Variants in TM7SF3 observed in about 807,000 individuals in gnomAD.
TM7SF3 encodes the protein seven span transmembrane protein.
In TM7SF3, 60 loss-of-function variants were observed where a neutral mutation model predicts 65.5. The observed-to-expected ratio is 0.92, with a 90% CI of 0.74 to 1.14. The LOEUF (loss-of-function observed/expected upper bound fraction) is 1.14, where lower values mean the gene tolerates loss of function less well. Among genes scored for constraint, TM7SF3 ranks in the 50% most tolerant of loss-of-function variants. The probability of loss-of-function intolerance (pLI) is 0.00; values close to 1 mark genes in which losing one functional copy is unlikely to be tolerated. For synonymous variants in TM7SF3, 264 were observed against 259.6 expected, an observed-to-expected ratio of 1.02 and a Z score of -0.16; for missense variants, 623 against 684.8, an observed-to-expected ratio of 0.91 and a Z score of 1.01.
chr12:26,980,475 C>T, intron 8 of TM7SF3, 91 bp downstream of exon 8: 1 of 737,040 alleles, frequency 1.4e-6, no homozygotes, highest in Non-Finnish European at 2.4e-6. Flanking sequence ...CTGTCACACA[C>T]AATATAGGCC....
intron 4 of TM7SF3, 27 bp downstream of exon 4, chr12:26,996,715 T>C: frequency 6.3e-7 from 1 of 1,596,008 alleles, no homozygotes; most frequent in African/African-American, 1.4e-5. Context: ...TCTAAAAGCA[T>C]TTCTCAGACA....
At chr12:26,987,130 C>T (rs1448930635) in intron 6 of TM7SF3, among the ~76,000 whole-genome samples, 1 of 152,138 alleles carries the variant, frequency 6.6e-6, no homozygotes, top group South Asian at 2.1e-4. Context: ...ATAGATAACA[C>T]CATTTAGCAT....
intron 1 of TM7SF3, among the ~76,000 whole-genome samples, chr12:27,008,968 T>C (rs1425612443): frequency 1.3e-5 from 2 of 152,120 alleles, no homozygotes; most frequent in Non-Finnish European, 2.9e-5. Flanking sequence ...GCACAATATA[T>C]CCTGTACCTA....
chr12:27,002,424 T>C (rs368196219), intron 2 of TM7SF3, among the ~76,000 whole-genome samples: 4 of 151,888 alleles, frequency 2.6e-5, no homozygotes, highest in African/African-American at 9.7e-5. Context: ...TGGAGTGAGA[T>C]CTTATCTCTA....
At chr12:27,006,015 G>T (rs145392205) in intron 1 of TM7SF3, among the ~76,000 whole-genome samples, 10,747 of 151,302 alleles carry the variant, frequency 0.071, 570 homozygotes, top group East Asian at 0.27. Context: ...GGCCAGGCTA[G>T]TCTCGAACTC....
In TM7SF3 at chr12:26,982,797, A is replaced by G; in HGVS notation, c.931T>C (p.Phe311Leu). ...CCTGTTTTCCAGAATCTGTGTCCAA[A>G]GAAACAAATGAAGAAACCAAGCAGG... ...FALLGFFICFFGHRFWKTELF... is the reference protein window; with the variant it reads ...FALLGFFICFLGHRFWKTELF... The change falls in exon 7 of 12, where the codon TTT (phenylalanine) becomes CTT (leucine). Residue 311 changes from phenylalanine to leucine, a missense_variant. By Grantham distance (22) the Phe-to-Leu change is conservative. Transcript: ENST00000343028. 6.2e-7 allele frequency: 1 copy of G among 1,609,580 alleles called. No individual in the cohort carries two copies. Among genetic ancestry groups the G allele is most frequent in the Non-Finnish European group, 8.5e-7 (1 of 1,178,536 alleles).
chr12:27,009,373 T>C (rs1430788522), intron 1 of TM7SF3, among the ~76,000 whole-genome samples: 2 of 151,954 alleles, frequency 1.3e-5, no homozygotes, highest in Non-Finnish European at 2.9e-5. Flanking sequence ...TATCTTTATC[T>C]TTAGAATTTT....
intron 5 of TM7SF3, among the ~76,000 whole-genome samples, chr12:26,990,867 C>T (rs946757481): frequency 1.1e-4 from 16 of 151,894 alleles, no homozygotes; most frequent in African/African-American, 3.9e-4. Flanking sequence ...AAGGAAAATG[C>T]GATATAAACA....
chr12:26,975,151 T>G (rs905505611), intron 11 of TM7SF3, among the ~76,000 whole-genome samples: 1 of 152,238 alleles, frequency 6.6e-6, no homozygotes, highest in African/African-American at 2.4e-5. Flanking sequence ...TAAATCAGGT[T>G]GTCATTCTCA....
intron 9 of TM7SF3, among the ~76,000 whole-genome samples, chr12:26,977,749 G>A (rs183501622): frequency 1.0e-4 from 15 of 148,144 alleles, no homozygotes; most frequent in South Asian, 2.2e-4. Context: ...GTGAGACTCC[G>A]TCTCAGGAAA....
At chr12:26,976,394 C>T (rs778557898) in intron 9 of TM7SF3, 37 bp from the exon 10 acceptor site, 1 of 1,432,726 alleles carries the variant, frequency 7.0e-7, no homozygotes, top group African/African-American at 1.4e-5. Flanking sequence ...TAAACAACAG[C>T]TTTACCAAGT....
In TM7SF3 at chr12:27,014,130, T is replaced by A; in HGVS notation, c.39A>T (p.Ala13=). 1 of 1,570,614 alleles carries A rather than the reference T, an allele frequency of 6.4e-7. No individual in the cohort carries two copies. Residue 13 remains alanine (A), a synonymous_variant, in exon 1 of 12, where the codon GCA becomes GCT. Transcript: ENST00000343028. Reference sequence around the variant, plus strand: ...CTGCACCAGCCACCCGGTGTTCGGATGCCAGCACCGCTACGACCAGCAGCT... The same window carrying A: ...CTGCACCAGCCACCCGGTGTTCGGAAGCCAGCACCGCTACGACCAGCAGCT... The part of the protein sequence containing the change: ...FLQLLVVAVL[A]SEHRVAGAAE...
intron 9 of TM7SF3, among the ~76,000 whole-genome samples, chr12:26,977,110 C>T (rs1939600517): frequency 6.6e-6 from 1 of 152,226 alleles, no homozygotes; most frequent in Non-Finnish European, 1.5e-5. Context: ...CCCCATACCT[C>T]AAGACCTACA....
intron 5 of TM7SF3, among the ~76,000 whole-genome samples, chr12:26,991,787 A>G (rs1198913131): frequency 6.6e-6 from 1 of 152,164 alleles, no homozygotes; most frequent in African/African-American, 2.4e-5. Context: ...AATTGTTAAT[A>G]TTTTACATTT....
chr12:26,996,083 G>A (rs889906272), intron 4 of TM7SF3, among the ~76,000 whole-genome samples: 2 of 151,782 alleles, frequency 1.3e-5, no homozygotes, highest in Admixed American at 1.3e-4. Flanking sequence ...GGAGGCTGAA[G>A]CAGGAGGATT....
At chr12:26,998,955 GAAC>G in intron 3 of TM7SF3, among the ~76,000 whole-genome samples, 1 of 152,176 alleles carries the variant, frequency 6.6e-6, no homozygotes. Flanking sequence ...CTTCTGCTTA[GAAC>G]AACTAAACTG....
chr12:26,987,654 G>A (rs1461312159), intron 6 of TM7SF3, among the ~76,000 whole-genome samples: 1 of 152,184 alleles, frequency 6.6e-6, no homozygotes. Flanking sequence ...TAGAAGGAGT[G>A]ATACATTAGA....
intron 6 of TM7SF3, among the ~76,000 whole-genome samples, chr12:26,988,116 G>T (rs1047166044): frequency 1.3e-5 from 2 of 151,682 alleles, no homozygotes; most frequent in Non-Finnish European, 2.9e-5. Flanking sequence ...GAGACACATC[G>T]GTTAAATGCA....
In TM7SF3 at chr12:26,972,711, A is replaced by G. The variant is rs1218433319; in HGVS notation, c.*1254T>C. ...GTGATCCACCCGCCTCGACCTCCCA[A>G]AATGCTGGGATTACAGGTTTGAGCC... is the stretch of plus-strand genomic sequence containing the variant. On this transcript the variant is annotated 3_prime_UTR_variant, in exon 12 of 12. Transcript: ENST00000343028. Among the ~76,000 whole-genome samples the G allele has an allele frequency of 6.6e-6, 1 of 152,086 alleles. No individual in the cohort carries two copies. The highest frequency in any genetic ancestry group is 2.4e-5 in the African/African-American group (1 of 41,406).
Sources: allele counts gnomAD v4.1 joint callset (sites outside exome capture counted in the v4.1 genomes callset), GRCh38; gene constraint gnomAD v4.1.1; transcripts MANE v1.5; gene names NCBI Gene and HGNC (gene_info 2026-07-23, HGNC 2026-07-21).